Variants in RNF6 observed in about 807,000 individuals in gnomAD.
The protein encoded by RNF6 is E3 ubiquitin-protein ligase RNF6.
RNF6 carries 21 observed loss-of-function variants against 50.1 expected under a neutral mutation model. That is an observed-to-expected ratio of 0.42 (90% confidence interval 0.30 to 0.60). The LOEUF (loss-of-function observed/expected upper bound fraction) is 0.60, where lower values mean the gene tolerates loss of function less well. Among genes scored for constraint, RNF6 ranks in the 20% least tolerant of loss-of-function variants. The probability of loss-of-function intolerance (pLI) is 0.20; values close to 1 mark genes in which losing one functional copy is unlikely to be tolerated. For missense variants in RNF6, 698 were observed against 838.2 expected (o/e 0.83, Z 2.07); for synonymous variants, 255 against 291.8 (o/e 0.87, Z 1.29).
intron 5 of RNF6, chr13:26,150,724 C>G (rs1460227440): frequency 6.6e-6 from 1 of 151,910 alleles, no homozygotes; most frequent in African/African-American, 2.4e-5. Context: ...CTTTAATCAA[C>G]TGCTTGAAAA....
intron 5 of RNF6, among the ~76,000 whole-genome samples, chr13:26,151,735 G>C (rs2137585694): frequency 6.6e-6 from 1 of 150,742 alleles, no homozygotes; most frequent in East Asian, 2.0e-4. Flanking sequence ...TAGAATATGA[G>C]AAATAAAGTT....
intron 5 of RNF6, among the ~76,000 whole-genome samples, chr13:26,204,509 A>AG (rs1233852004): frequency 6.6e-6 from 1 of 151,502 alleles, no homozygotes; most frequent in Non-Finnish European, 1.5e-5. Flanking sequence ...AAAAAAAAAA[A>AG]AAAAAAGAAA....
intron 5 of RNF6, chr13:26,154,324 CTTTTTTTGAA>C (rs1330579886): frequency 6.6e-6 from 1 of 152,108 alleles, no homozygotes; most frequent in East Asian, 1.9e-4. Flanking sequence ...GCTATTTTGT[CTTTTTTTGAA>C]AGTACTGACT....
downstream of RNF6, among the ~76,000 whole-genome samples, chr13:26,210,607 A>G (rs899634415): frequency 6.6e-6 from 1 of 152,250 alleles, no homozygotes; most frequent in Admixed American, 6.5e-5. Context: ...AATTAGAAAA[A>G]TATCTTTAGG....
chr13:26,174,310 C>T (rs186504961), intron 5 of RNF6, among the ~76,000 whole-genome samples: 15 of 152,136 alleles, frequency 9.9e-5, no homozygotes, highest in Admixed American at 8.5e-4. Flanking sequence ...TGCTGGAGTT[C>T]GGTTATTGTA....
Position 26,139,467 on chromosome 13 carries a change from T to C in RNF6, n.769-7016A>G, listed in dbSNP as rs9581551. Among the ~76,000 whole-genome samples, 1,508 of 152,276 alleles carry C rather than the reference T, an allele frequency of 9.9e-3. 31 individuals are homozygous for C. The highest frequency in any genetic ancestry group is 0.035 in the African/African-American group (1,441 of 41,548). On this transcript the variant is annotated intron_variant and non_coding_transcript_variant, in intron 5 of 5. Transcript: ENST00000468480. ...CTCTCTCTCAGAATATTGTTATAAA[T>C]TCTTTTTTCAGTAGCATTGACCACC...
intron 5 of RNF6, among the ~76,000 whole-genome samples, chr13:26,205,445 AGGACT>A (rs1243264451): frequency 2.6e-5 from 4 of 152,228 alleles, no homozygotes; most frequent in Non-Finnish European, 4.4e-5. Flanking sequence ...GTTTCTCAAT[AGGACT>A]GGACTAGTTC....
chr13:26,176,891 G>A lies in RNF6; in HGVS notation n.768+38583C>T, dbSNP rs190142844. 4.6e-5 allele frequency among the ~76,000 whole-genome samples: 7 copies of A among 152,298 alleles called. No individual in the cohort carries two copies. The East Asian group carries it at 5.8e-4, about 13-fold the overall frequency. ...AGTGGTTGCAGTGAGCCGAGGTGGC[G>A]CGATTGCACTCCAGCCTGGGAGACA... is the stretch of plus-strand genomic sequence containing the variant. On this transcript the variant is annotated intron_variant and non_coding_transcript_variant, in intron 5 of 5. Transcript: ENST00000468480.
At chr13:26,194,144 G>A (rs1309237586) in intron 5 of RNF6, among the ~76,000 whole-genome samples, 2 of 152,062 alleles carry the variant, frequency 1.3e-5, no homozygotes, top group East Asian at 1.9e-4. Flanking sequence ...AGATGAGAAC[G>A]GTCAATATAC....
intron 5 of RNF6, among the ~76,000 whole-genome samples, chr13:26,149,984 GTA>G (rs765995587): frequency 6.2e-5 from 5 of 81,154 alleles, no homozygotes; most frequent in Non-Finnish European, 1.2e-4. Flanking sequence ...TATATAATGT[GTA>G]TATATATATA....
At chr13:26,218,805 TTTATTAAAAA>T in intron 3 of RNF6, among the ~76,000 whole-genome samples, 199 bp from the exon 4 acceptor site, 1 of 152,330 alleles carries the variant, frequency 6.6e-6, no homozygotes, top group Non-Finnish European at 1.5e-5. Context: ...TTATTAATCT[TTTATTAAAAA>T]TTATTAAAAT....
intron 5 of RNF6, among the ~76,000 whole-genome samples, chr13:26,169,362 G>A (rs1453945293): frequency 6.6e-6 from 1 of 152,026 alleles, no homozygotes; most frequent in Non-Finnish European, 1.5e-5. Context: ...AGGGCAAGGG[G>A]AGATCCACCT....
At chr13:26,191,492 C>G (rs1321788182) in intron 5 of RNF6, among the ~76,000 whole-genome samples, 1 of 152,120 alleles carries the variant, frequency 6.6e-6, no homozygotes, top group African/African-American at 2.4e-5. Flanking sequence ...CCCCACATGT[C>G]AAGGGAGGGG....
At chr13:26,183,890 T>A (rs1400660162) in intron 5 of RNF6, among the ~76,000 whole-genome samples, 7 of 25,914 alleles carry the variant, frequency 2.7e-4, no homozygotes, top group Non-Finnish European at 4.6e-4. Flanking sequence ...ATAGGTTTTT[T>A]TATACTTATT....
At chr13:26,167,971 C>A (rs941173401) in intron 5 of RNF6, among the ~76,000 whole-genome samples, 10 of 152,184 alleles carry the variant, frequency 6.6e-5, no homozygotes, top group Admixed American at 6.5e-4. Context: ...CACATGTTCT[C>A]ACCCACAAGT....
intron 1 of RNF6, 145 bp downstream of exon 1, chr13:26,221,858 C>G (rs1442411665): frequency 1.3e-5 from 2 of 152,290 alleles, no homozygotes. Context: ...ATAGACGGTG[C>G]ATCCCAACCA....
At chr13:26,146,627 T>C (rs1291759079) in intron 5 of RNF6, among the ~76,000 whole-genome samples, 1 of 152,206 alleles carries the variant, frequency 6.6e-6, no homozygotes, top group Non-Finnish European at 1.5e-5. Flanking sequence ...GAATCCTGCC[T>C]TCTATATTAA....
In RNF6 at chr13:26,174,108, C is replaced by T. The variant is rs370696180; in HGVS notation, n.768+41366G>A. On this transcript the variant is annotated intron_variant and non_coding_transcript_variant, in intron 5 of 5. Transcript: ENST00000468480. ...TCACTGCCATCCACCAGTGACAGTC[C>T]CAACTGCTAGAACACTTTTAAGCAG... is the stretch of plus-strand genomic sequence containing the variant. Among the ~76,000 whole-genome samples, 98 of 152,234 alleles carry T rather than the reference C, an allele frequency of 6.4e-4. 1 individual carries two copies. The highest frequency in any genetic ancestry group is 2.3e-3 in the African/African-American group (95 of 41,544).
chr13:26,187,898 A>G lies in RNF6; in HGVS notation n.768+27576T>C, dbSNP rs972260078. On this transcript the variant is annotated intron_variant and non_coding_transcript_variant, in intron 5 of 5. Transcript: ENST00000468480. ...GCCACCACACCTGGTTCCTAGCTCTATTTGAGACCACAGTGGCCTGAAGTG... is the reference window on the plus strand; with the variant it reads ...GCCACCACACCTGGTTCCTAGCTCTGTTTGAGACCACAGTGGCCTGAAGTG... 7.9e-5 allele frequency among the ~76,000 whole-genome samples: 12 copies of G among 152,178 alleles called. 1 individual carries two copies. The highest frequency in any genetic ancestry group is 1.2e-4 in the African/African-American group (5 of 41,448).
Sources: gnomAD v4.1 joint callset for allele counts (sites outside exome capture counted in the v4.1 genomes callset) on GRCh38, gnomAD v4.1.1 for gene constraint, MANE v1.5 for transcripts, NCBI Gene and HGNC (gene_info 2026-07-23, HGNC 2026-07-21) for gene names.